Variants in SAA1 observed in about 807,000 individuals in gnomAD.
SAA1 encodes serum amyloid A1.
A neutral mutation model predicts 9.8 loss-of-function variants in SAA1; 4 were observed. That is an observed-to-expected ratio of 0.41 (90% CI 0.20 to 0.93). SAA1 has a LOEUF of 0.93. Ranked by LOEUF, SAA1 falls within the 40% of genes least tolerant of loss-of-function variation. SAA1 has a pLI of 0.33. For synonymous variants in SAA1, 47 were observed against 57.7 expected (o/e 0.82, Z 0.84); for missense variants, 114 against 155.5 (o/e 0.73, Z 1.42).
At chr11:18,268,595 AG>A in intron 2 of SAA1, among the ~76,000 whole-genome samples, 1 of 152,288 alleles carries the variant, frequency 6.6e-6, no homozygotes, top group South Asian at 2.1e-4. Flanking sequence ...GCACTTTGGG[AG>A]GCCAAGGCAG....
chr11:18,269,564 G>A (rs1301621661), intron 3 of SAA1, 153 bp from the exon 4 acceptor site: 1 of 1,389,124 alleles, frequency 7.2e-7, no homozygotes, highest in African/African-American at 1.4e-5. Flanking sequence ...GCCCAGCCTG[G>A]CTGAATGGGG....
In SAA1 at chr11:18,269,810, A is replaced by G; in HGVS notation, c.324A>G (p.Lys108=). The change falls in exon 4 of 4, where the codon AAA becomes AAG. Residue 108 remains lysine, a synonymous_variant. Coordinates refer to ENST00000356524, the MANE Select transcript of SAA1 (RefSeq NM_199161.5). Reference sequence around the variant, plus strand: ...CCAATGAATGGGGCAGGAGTGGCAAAGACCCCAATCACTTCCGACCTGCTG... The same window carrying G: ...CCAATGAATGGGGCAGGAGTGGCAAGGACCCCAATCACTTCCGACCTGCTG... ...QAANEWGRSG[K]DPNHFRPAGL... 6.2e-7 allele frequency: 1 copy of G among 1,611,498 alleles called. No individual in the cohort carries two copies. Among genetic ancestry groups the G allele is most frequent in the Non-Finnish European group, 8.5e-7 (1 of 1,179,996 alleles).
chr11:18,268,358 C>T (rs113007768), intron 2 of SAA1, among the ~76,000 whole-genome samples: 4,759 of 151,838 alleles, frequency 0.031, 201 homozygotes, highest in African/African-American at 0.1. Context: ...GGTGACAGAG[C>T]GAGACTCCAT....
rs756694250 is a variant in SAA1 at position 18,269,350 on chromosome 11, G to A, written c.230+17G>A. ...AGTGATCACGTAACTGGAGCTCCTG[G>A]GACGTTAGGGCTGGGTGAGCAGAGC... On this transcript the variant is annotated intron_variant, in intron 3 of 3. Transcript: ENST00000356524. 1.4e-6 allele frequency: 2 copies of A among 1,457,320 alleles called. No homozygotes were observed. The highest frequency in any genetic ancestry group is 2.9e-5 in the South Asian group (2 of 68,696). 90.3% of individuals were successfully genotyped at this position (1,457,320 alleles called of 1,614,324 possible).
chr11:18,268,755 C>T (rs578163239), intron 2 of SAA1, among the ~76,000 whole-genome samples: 33 of 147,644 alleles, frequency 2.2e-4, no homozygotes, highest in African/African-American at 8.4e-4. Flanking sequence ...ATCTCTTGAA[C>T]CTGGGAGGTG....
At chr11:18,268,772 G>T (rs1362669307) in intron 2 of SAA1, among the ~76,000 whole-genome samples, 1 of 147,268 alleles carries the variant, frequency 6.8e-6, no homozygotes, top group Non-Finnish European at 1.5e-5. Flanking sequence ...GGTGGAGGTT[G>T]CGATGAGCTG....
At chr11:18,267,760 A>G (rs181930541) in intron 2 of SAA1, among the ~76,000 whole-genome samples, 1,601 of 112,556 alleles carry the variant, frequency 0.014, 494 homozygotes, top group Non-Finnish European at 0.019. Context: ...TGACTCTGTG[A>G]CGCAATCTTC....
intron 2 of SAA1, 29 bp from the exon 3 acceptor site, chr11:18,269,166 G>A (rs1858133041): frequency 4.4e-6 from 7 of 1,592,970 alleles, no homozygotes; most frequent in East Asian, 2.2e-5. Flanking sequence ...TTCTCCTGAT[G>A]TCCCTTCTGC....
intron 2 of SAA1, among the ~76,000 whole-genome samples, chr11:18,268,909 A>T (rs561956411): frequency 6.0e-5 from 9 of 150,226 alleles, no homozygotes; most frequent in African/African-American, 2.2e-4. Flanking sequence ...TGTGTCTGCC[A>T]CCTTTCTCAG....
chr11:18,266,970 C>T lies in SAA1; in HGVS notation c.83C>T (p.Ala28Val). 1 of 1,605,716 alleles carries T rather than the reference C, an allele frequency of 6.2e-7. No individual in the cohort carries two copies. The highest frequency in any genetic ancestry group is 1.1e-5 in the South Asian group (1 of 90,608). The change falls in exon 2 of 4, where the codon GCT becomes GTT. Residue 28 changes from alanine (A) to valine (V), a missense_variant. Ala to Val is a moderately conservative substitution (Grantham distance 64). Coordinates refer to ENST00000356524, the MANE Select transcript of SAA1 (RefSeq NM_199161.5). Reference protein sequence around the residue: ...SRSFFSFLGEAFDGARDMWRA... With the variant: ...SRSFFSFLGEVFDGARDMWRA... ...AGCTTCTTTTCGTTCCTTGGCGAGGCTTTTGATGGTAAGGCTTCAGAAGGT... is the reference window on the plus strand; with the variant it reads ...AGCTTCTTTTCGTTCCTTGGCGAGGTTTTTGATGGTAAGGCTTCAGAAGGT...
At position 18,269,313 on chromosome 11, in the gene SAA1, C is replaced by G; in HGVS notation, c.210C>G (p.Ala70=). 1 of 1,521,450 alleles carries G rather than the reference C, an allele frequency of 6.6e-7. No individual in the cohort carries two copies. Among genetic ancestry groups the G allele is most frequent in the Non-Finnish European group, 8.8e-7 (1 of 1,134,806 alleles). 94.2% of individuals were successfully genotyped at this position (1,521,450 alleles called of 1,614,324 possible). The change falls in exon 3 of 4, where the codon GCC becomes GCG. Residue 70 remains alanine (A), a synonymous_variant. Transcript: ENST00000356524. ...CTGCCAAAAGGGGACCTGGGGGTGC[C>G]TGGGCTGCAGAAGTGATCACGTAAC... is the stretch of plus-strand genomic sequence containing the variant. ...YDAAKRGPGG[A]WAAEVITDAR...
Position 18,269,730 on chromosome 11 carries a change from A to G in SAA1, c.244A>G (p.Asn82Asp). Residue 82 changes from asparagine (N) to aspartate (D), a missense_variant, in exon 4 of 4, where the codon AAT becomes GAT. Physicochemically the swap from Asn to Asp is conservative, Grantham distance 23. Around this residue, in one of 2 missense-constraint regions of SAA1, gnomAD observed 68 missense variants for 54.7 expected, o/e 1.24. Transcript: ENST00000356524. The part of the protein sequence containing the change: ...AAEVITDARE[N>D]IQRFFGHGAE... ...CCTTGATTACAGCGATGCCAGAGAG[A>G]ATATCCAGAGATTCTTTGGCCATGG... 6.2e-7 allele frequency: 1 copy of G among 1,613,964 alleles called. No individual in the cohort carries two copies. Among genetic ancestry groups the G allele is most frequent in the Non-Finnish European group, 8.5e-7 (1 of 1,179,856 alleles).
At position 18,269,721 on chromosome 11, in the gene SAA1, G is replaced by A; in HGVS notation, c.235G>A (p.Ala79Thr). 1 of 1,613,970 alleles carries A rather than the reference G, an allele frequency of 6.2e-7. No homozygotes were observed. The highest frequency in any genetic ancestry group is 1.1e-5 in the South Asian group (1 of 91,078). ...GAWAAEVITD[A>T]RENIQRFFGH... Reference sequence around the variant, plus strand: ...TCTTGCCTGCCTTGATTACAGCGATGCCAGAGAGAATATCCAGAGATTCTT... The same window carrying A: ...TCTTGCCTGCCTTGATTACAGCGATACCAGAGAGAATATCCAGAGATTCTT... Residue 79 changes from alanine to threonine, a missense_variant, in exon 4 of 4, where the codon GCC (alanine) becomes ACC (threonine). Physicochemically the swap from Ala to Thr is moderately conservative, Grantham distance 58. This residue lies in a region of SAA1 where 68 missense variants were observed against 54.7 expected (regional missense o/e 1.24). Coordinates refer to ENST00000356524, the MANE Select transcript of SAA1 (RefSeq NM_199161.5).
At chr11:18,268,585 G>A (rs1858104936) in intron 2 of SAA1, among the ~76,000 whole-genome samples, 1 of 152,140 alleles carries the variant, frequency 6.6e-6, no homozygotes, top group Non-Finnish European at 1.5e-5. Flanking sequence ...TGTAATCCCA[G>A]CACTTTGGGA....
At chr11:18,269,658 G>C (rs1212235956) in intron 3 of SAA1, 59 bp from the exon 4 acceptor site, 1 of 1,594,950 alleles carries the variant, frequency 6.3e-7, no homozygotes. Context: ...AGAATGGGAG[G>C]GTGGGCTATT....
chr11:18,269,748 G>A lies in SAA1; in HGVS notation c.262G>A (p.Gly88Ser). Residue 88 changes from glycine (G) to serine (S), a missense_variant, in exon 4 of 4, where the codon GGC becomes AGC. Gly to Ser is a moderately conservative substitution (Grantham distance 56). Coordinates refer to ENST00000356524, the MANE Select transcript of SAA1 (RefSeq NM_199161.5). ...DARENIQRFFGHGAEDSLADQ... is the reference protein window; with the variant it reads ...DARENIQRFFSHGAEDSLADQ... ...CAGAGAGAATATCCAGAGATTCTTT[G>A]GCCATGGTGCGGAGGACTCGCTGGC... 2.5e-6 allele frequency: 4 copies of A among 1,613,998 alleles called. No homozygotes were observed. Among genetic ancestry groups the A allele is most frequent in the Non-Finnish European group, 3.4e-6 (4 of 1,179,894 alleles).
At chr11:18,268,831 T>TGAAAAA (rs1858116571) in intron 2 of SAA1, among the ~76,000 whole-genome samples, 1 of 110,594 alleles carries the variant, frequency 9.0e-6, no homozygotes, top group Non-Finnish European at 1.9e-5. Context: ...AGACTCTGTC[T>TGAAAAA]AAAAAAAAAA....
chr11:18,269,480 A>AG (rs59182249), intron 3 of SAA1, 147 bp downstream of exon 3: 83,277 of 1,442,320 alleles, frequency 0.058, 4,992 homozygotes, highest in East Asian at 0.38. Context: ...GCTCAGTGTG[A>AG]GGTCTGAGTG....
intron 2 of SAA1, among the ~76,000 whole-genome samples, chr11:18,268,831 TAAAAAAAAAAAAAAAAAAAAA>T (rs371021832): frequency 2.7e-5 from 3 of 110,584 alleles, no homozygotes; most frequent in Non-Finnish European, 1.9e-5. Context: ...AGACTCTGTC[TAAAAAAAAAAAAAAAAAAAAA>T]AAAAAAAAAA....
Sources: gnomAD v4.1 joint callset for allele counts (sites outside exome capture counted in the v4.1 genomes callset) on GRCh38, gnomAD v4.1.1 for gene constraint, gnomAD v4.1.1 regional missense constraint, MANE v1.5 for transcripts, NCBI Gene and HGNC (gene_info 2026-07-23, HGNC 2026-07-21) for gene names.